Variants in ATP8B1 observed in about 807,000 individuals in gnomAD.
The protein encoded by ATP8B1 is ATPase phospholipid transporting 8B1.
ATP8B1 carries 80 observed loss-of-function variants against 149.9 expected under a neutral mutation model. The ratio of observed to expected loss-of-function variants is 0.53; its 90% CI spans 0.45 to 0.64. ATP8B1 has a LOEUF of 0.64. ATP8B1 is among the 30% of genes least tolerant of loss of function. ATP8B1 has a pLI of 0.00. For missense variants in ATP8B1, 1,247 were observed against 1,552.6 expected (o/e 0.80, Z 3.31); for synonymous variants, 536 against 562.8 (o/e 0.95, Z 0.67).
intron 2 of ATP8B1, among the ~76,000 whole-genome samples, chr18:57,725,252 A>T (rs1054664481): frequency 1.0e-3 from 6 of 5,960 alleles, no homozygotes; most frequent in Admixed American, 2.8e-3. Flanking sequence ...AAAGTATAAT[A>T]AAAAAAAAAG....
At position 57,691,988 on chromosome 18, in the gene ATP8B1, C is replaced by T. The variant is rs1323022739; in HGVS notation, c.1039G>A (p.Val347Ile). The change falls in exon 12 of 28, where the codon GTT becomes ATT. Residue 347 changes from valine to isoleucine, a missense_variant. Physicochemically the swap from Val to Ile is conservative, Grantham distance 29. Around this residue, in one of 3 missense-constraint regions of ATP8B1, gnomAD observed 853 missense variants for 1,035.7 expected, o/e 0.82. Transcript: ENST00000648908. ...AGACCAGCAGAAAGCAGAATAAGAA[C>T]AACAAAGATCTAGAAGACAGAAAAC... is the stretch of plus-strand genomic sequence containing the variant. ...MNYMVYTIFV[V>I]LILLSAGLAI... The T allele has an allele frequency of 1.6e-5, 26 of 1,612,790 alleles. No homozygotes were observed. The highest frequency in any genetic ancestry group is 2.2e-5 in the Non-Finnish European group (26 of 1,179,504).
intron 1 of ATP8B1, among the ~76,000 whole-genome samples, chr18:57,747,736 C>T (rs988864562): frequency 6.6e-6 from 1 of 152,126 alleles, no homozygotes; most frequent in African/African-American, 2.4e-5. Flanking sequence ...TAAGACTGGT[C>T]GACAGAGCCT....
chr18:57,703,911 A>G (rs1165002107), intron 4 of ATP8B1, among the ~76,000 whole-genome samples: 1 of 152,228 alleles, frequency 6.6e-6, no homozygotes, highest in African/African-American at 2.4e-5. Context: ...ATGATAAAAG[A>G]CAAGCACAAA....
intron 19 of ATP8B1, chr18:57,668,175 A>C: frequency 7.1e-7 from 1 of 1,415,302 alleles, no homozygotes; most frequent in African/African-American, 1.4e-5. Context: ...TGGAGAGATA[A>C]GACCAATTAT....
At chr18:57,650,616 G>T in intron 26 of ATP8B1, 119 bp from the exon 27 acceptor site, 2 of 1,260,650 alleles carry the variant, frequency 1.6e-6, no homozygotes, top group Admixed American at 3.9e-5. Flanking sequence ...GCCAAGGTGG[G>T]TGGATTGCCA....
intron 12 of ATP8B1, chr18:57,688,728 T>C (rs1186223932): frequency 1.8e-6 from 1 of 559,184 alleles, no homozygotes; most frequent in Non-Finnish European, 3.2e-6. Context: ...GGCTCCACCC[T>C]TATGAATGGG....
At position 57,791,350 on chromosome 18, in the gene ATP8B1, T is replaced by C. The variant is rs564455593; in HGVS notation, c.-26+11648A>G. Among the ~76,000 whole-genome samples the C allele has an allele frequency of 2.6e-4, 25 of 95,656 alleles. No homozygotes were observed. In the South Asian group the frequency reaches 5.9e-3, roughly 23 times the overall value. The allele number at this position is 95,656 out of a possible 152,430, so 62.8% of individuals were successfully genotyped here. A position where few individuals can be genotyped will look rare whatever the true frequency, so the allele number is the denominator to read the frequency against. On this transcript the variant is annotated intron_variant, in intron 1 of 27. Coordinates refer to ENST00000648908, the MANE Select transcript of ATP8B1 (RefSeq NM_001374385.1). ...TTCCTTTTTTCTTTTTCTTTTCTTT[T>C]CTTTTTTTTTTTTTTTTTGAGGCAG...
chr18:57,706,832 C>T (rs557931368), intron 2 of ATP8B1, among the ~76,000 whole-genome samples: 4 of 152,222 alleles, frequency 2.6e-5, no homozygotes, highest in South Asian at 2.1e-4. Flanking sequence ...AGATGGAAGA[C>T]GATGCGAAGT....
intron 1 of ATP8B1, among the ~76,000 whole-genome samples, chr18:57,793,310 T>C (rs1254720860): frequency 6.6e-6 from 1 of 152,062 alleles, no homozygotes; most frequent in East Asian, 1.9e-4. Context: ...CTCTGTGTCC[T>C]TTCTCCTCTG....
chr18:57,695,029 CAAAAAAA>C (rs397960134), intron 10 of ATP8B1, 135 bp downstream of exon 10: 95 of 282,846 alleles, frequency 3.4e-4, no homozygotes, highest in South Asian at 1.0e-3. Flanking sequence ...GACTCTGTCT[CAAAAAAA>C]AAAAAAAAAA....
chr18:57,763,290 G>T (rs1245138219), intron 1 of ATP8B1, among the ~76,000 whole-genome samples: 3 of 152,068 alleles, frequency 2.0e-5, no homozygotes, highest in Admixed American at 2.0e-4. Context: ...TACTAGGGAG[G>T]CTAAGGCAGG....
chr18:57,704,215 G>A (rs563039546), intron 4 of ATP8B1, among the ~76,000 whole-genome samples: 3 of 152,240 alleles, frequency 2.0e-5, no homozygotes, highest in South Asian at 4.1e-4. Flanking sequence ...TGATCCACCC[G>A]CCTCGGCCTC....
chr18:57,735,628 A>T (rs2079842873), intron 1 of ATP8B1: 1 of 152,192 alleles, frequency 6.6e-6, no homozygotes, highest in Non-Finnish European at 1.5e-5. Context: ...CATTGGTTAT[A>T]CTTATAATTC....
At chr18:57,670,881 G>T (rs1911182461) in intron 17 of ATP8B1, among the ~76,000 whole-genome samples, 1 of 151,848 alleles carries the variant, frequency 6.6e-6, no homozygotes, top group Non-Finnish European at 1.5e-5. Context: ...TAATTTTTTT[G>T]TATTTTTAGT....
chr18:57,713,176 T>TTCCTTCCTTCC (rs1568207385), intron 2 of ATP8B1, among the ~76,000 whole-genome samples: 1 of 69,602 alleles, frequency 1.4e-5, no homozygotes, highest in East Asian at 5.4e-4. Context: ...TCTTTCTTTC[T>TTCCTTCCTTCC]TTCTTTCTTT....
chr18:57,732,279 GTGTATATATGTATATATA>G (rs2079788823), intron 1 of ATP8B1, among the ~76,000 whole-genome samples: 1 of 24,084 alleles, frequency 4.2e-5, no homozygotes, highest in African/African-American at 1.2e-4. Context: ...ATGTATATAT[GTGTATATATGTATATATA>G]TGTGTATATA....
chr18:57,673,478 G>A (rs574198229), intron 16 of ATP8B1, among the ~76,000 whole-genome samples: 1 of 152,154 alleles, frequency 6.6e-6, no homozygotes, highest in African/African-American at 2.4e-5. Flanking sequence ...GTATTTAGGG[G>A]AAAGGGACAT....
intron 1 of ATP8B1, among the ~76,000 whole-genome samples, chr18:57,748,618 T>C (rs1004978830): frequency 6.6e-6 from 1 of 152,200 alleles, no homozygotes; most frequent in African/African-American, 2.4e-5. Context: ...AACAGAGGAC[T>C]CCACAGTCAG....
At chr18:57,774,483 G>C (rs893355336) in intron 1 of ATP8B1, among the ~76,000 whole-genome samples, 1 of 152,216 alleles carries the variant, frequency 6.6e-6, no homozygotes, top group Non-Finnish European at 1.5e-5. Context: ...TGTAATCCCA[G>C]CTACATGGTA....
Sources: allele counts gnomAD v4.1 joint callset (sites outside exome capture counted in the v4.1 genomes callset), GRCh38; gene constraint gnomAD v4.1.1; regional missense constraint gnomAD v4.1.1; transcripts MANE v1.5; gene names NCBI Gene and HGNC (gene_info 2026-07-23, HGNC 2026-07-21).